The following CSMD1 variants were observed in gnomAD, a reference collection of about 807,000 sequenced individuals.
The protein encoded by CSMD1 is CUB and sushi domain-containing protein 1.
CSMD1 carries 213 observed loss-of-function variants against 417.5 expected under a neutral mutation model. The ratio of observed to expected loss-of-function variants is 0.51; its 90% CI spans 0.46 to 0.57. The LOEUF (loss-of-function observed/expected upper bound fraction) is 0.57, where lower values mean the gene tolerates loss of function less well. Ranked by LOEUF, CSMD1 falls within the 20% of genes least tolerant of loss-of-function variation. CSMD1 has a pLI of 0.00. For missense variants in CSMD1, 6,923 were observed against 4,529.7 expected (o/e 1.53, Z -15.17); for synonymous variants, 2,862 against 1,736.8 (o/e 1.65, Z -16.11).
intron 4 of CSMD1, among the ~76,000 whole-genome samples, chr8:4,029,028 C>A (rs1045329901): frequency 1.4e-4 from 22 of 152,222 alleles, no homozygotes; most frequent in African/African-American, 5.3e-4. Context: ...GGAGAGGGCA[C>A]TAACTTACAA....
intron 1 of CSMD1, among the ~76,000 whole-genome samples, chr8:4,826,583 C>T (rs1209477564): frequency 1.3e-5 from 2 of 152,114 alleles, no homozygotes; most frequent in East Asian, 3.9e-4. Context: ...GGGATGTCCA[C>T]CTTAAACAAC....
chr8:3,172,711 C>G (rs1460690193), intron 37 of CSMD1, among the ~76,000 whole-genome samples: 1 of 152,106 alleles, frequency 6.6e-6, no homozygotes, highest in African/African-American at 2.4e-5. Context: ...GAGGAAGGCC[C>G]ACATGCACTC....
Position 3,308,334 on chromosome 8 carries a change from G to C in CSMD1, c.3801C>G (p.Asp1267Glu), listed in dbSNP as rs760268105. The stretch of plus-strand genomic sequence containing the variant: ...CACCTATGCACGAAGGTAGTGGTTT[G>C]TCCCACACTCTCCTGTCTCCACTCA... ...TCLSGDRRVWDKPLPSCIAEC... is the reference protein window; with the variant it reads ...TCLSGDRRVWEKPLPSCIAEC... The change falls in exon 24 of 70, where the codon GAC (aspartate) becomes GAG (glutamate). Residue 1267 changes from aspartate to glutamate, a missense_variant. Physicochemically the swap from Asp to Glu is conservative, Grantham distance 45. Coordinates refer to ENST00000635120, the MANE Select transcript of CSMD1 (RefSeq NM_033225.6). 1.9e-6 allele frequency: 3 copies of C among 1,612,506 alleles called. No individual in the cohort carries two copies. Among genetic ancestry groups the C allele is most frequent in the Admixed American group, 1.7e-5 (1 of 59,994 alleles).
At chr8:4,662,415 C>T (rs928670660) in intron 1 of CSMD1, among the ~76,000 whole-genome samples, 2 of 152,168 alleles carry the variant, frequency 1.3e-5, no homozygotes, top group African/African-American at 2.4e-5. Flanking sequence ...AAAAAGACCA[C>T]ATTGACACGC....
At chr8:3,750,655 T>C (rs1353290023) in intron 6 of CSMD1, among the ~76,000 whole-genome samples, 3 of 152,180 alleles carry the variant, frequency 2.0e-5, no homozygotes, top group Admixed American at 6.5e-5. Context: ...GAACAAATGT[T>C]TTCCCTGCTT....
At chr8:2,957,494 G>A (rs1378000348) in intron 63 of CSMD1, among the ~76,000 whole-genome samples, 1 of 152,136 alleles carries the variant, frequency 6.6e-6, no homozygotes, top group Admixed American at 6.5e-5. Flanking sequence ...TCAAGGATGG[G>A]GCTTGAGAGC....
intron 2 of CSMD1, among the ~76,000 whole-genome samples, chr8:4,426,798 A>T (rs6999888): frequency 6.7e-6 from 1 of 148,864 alleles, no homozygotes; most frequent in Non-Finnish European, 1.5e-5. Flanking sequence ...TATAATATAG[A>T]AATATAGTAT....
chr8:3,233,951 G>A (rs1050364647), intron 26 of CSMD1, among the ~76,000 whole-genome samples: 2 of 152,204 alleles, frequency 1.3e-5, no homozygotes, highest in East Asian at 1.9e-4. Flanking sequence ...CCCGCCGGCG[G>A]TTGTGAGTTG....
intron 5 of CSMD1, among the ~76,000 whole-genome samples, chr8:3,975,432 C>G (rs142502746): frequency 1.2e-3 from 184 of 152,186 alleles, no homozygotes; most frequent in Non-Finnish European, 1.8e-3. Flanking sequence ...ATTTACAACC[C>G]TTAGAAAAAT....
chr8:3,685,894 C>T (rs981271665), intron 7 of CSMD1, among the ~76,000 whole-genome samples: 2 of 151,992 alleles, frequency 1.3e-5, no homozygotes, highest in South Asian at 2.1e-4. Context: ...ATTTATTGTT[C>T]GTGTTACAAA....
At chr8:4,573,195 G>A (rs375541926) in intron 2 of CSMD1, among the ~76,000 whole-genome samples, 17 of 152,152 alleles carry the variant, frequency 1.1e-4, no homozygotes, top group Admixed American at 2.0e-4. Flanking sequence ...GAGGAGAAGA[G>A]GCATTCTGGT....
intron 7 of CSMD1, among the ~76,000 whole-genome samples, chr8:3,631,233 G>T (rs1021110): frequency 0.61 from 92,386 of 151,714 alleles, 28,583 homozygotes; most frequent in Middle Eastern, 0.75. Flanking sequence ...CACGTAACAC[G>T]ATCACAAACT....
chr8:3,671,337 C>T (rs1799023457), intron 7 of CSMD1, among the ~76,000 whole-genome samples: 1 of 147,818 alleles, frequency 6.8e-6, no homozygotes, highest in South Asian at 2.1e-4. Flanking sequence ...GAAATTATTA[C>T]ATGCTGTATT....
intron 3 of CSMD1, among the ~76,000 whole-genome samples, chr8:4,206,827 G>A (rs1055674919): frequency 4.6e-5 from 7 of 152,144 alleles, no homozygotes; most frequent in African/African-American, 1.7e-4. Context: ...ACTTTTGAGT[G>A]ATTATTTTGT....
intron 1 of CSMD1, among the ~76,000 whole-genome samples, chr8:4,964,646 C>T (rs1319272231): frequency 3.3e-5 from 5 of 150,654 alleles, no homozygotes; most frequent in African/African-American, 1.2e-4. Context: ...ATACATTTTT[C>T]TAACACTCTT....
chr8:4,639,297 G>A lies in CSMD1; in HGVS notation c.86-1739C>T, dbSNP rs75546888. On this transcript the variant is annotated intron_variant, in intron 1 of 69. Transcript: ENST00000635120. ...TCTGTTCAGTTACCTGTAACAGTCT[G>A]CCTCTGATGGCCATGCCTGGGCCAA... Among the ~76,000 whole-genome samples the A allele has an allele frequency of 3.9e-3, 536 of 136,498 alleles. 26 individuals are homozygous for A. In the East Asian group the frequency reaches 0.097, roughly 25 times the overall value. 89.5% of individuals were successfully genotyped at this position (136,498 alleles called of 152,430 possible). A position where few individuals can be genotyped will look rare whatever the true frequency, so the allele number is the denominator to read the frequency against.
chr8:4,352,109 A>G (rs535527592), intron 3 of CSMD1, among the ~76,000 whole-genome samples: 6 of 152,310 alleles, frequency 3.9e-5, no homozygotes, highest in Non-Finnish European at 8.8e-5. Flanking sequence ...TTTGTAAATT[A>G]GAGAATGAGG....
intron 3 of CSMD1, among the ~76,000 whole-genome samples, chr8:4,147,124 C>G (rs1374813601): frequency 6.6e-6 from 1 of 152,000 alleles, no homozygotes; most frequent in African/African-American, 2.4e-5. Context: ...TGACCAATCT[C>G]TTCCTCAGTT....
intron 18 of CSMD1, among the ~76,000 whole-genome samples, chr8:3,381,050 G>C (rs1048363298): frequency 1.3e-5 from 2 of 152,126 alleles, no homozygotes; most frequent in Non-Finnish European, 1.5e-5. Flanking sequence ...TCTCAAATGA[G>C]TCAGGCAAAG....
Sources: allele counts gnomAD v4.1 joint callset (sites outside exome capture counted in the v4.1 genomes callset), GRCh38; gene constraint gnomAD v4.1.1; transcripts MANE v1.5; gene names NCBI Gene and HGNC (gene_info 2026-07-23, HGNC 2026-07-21).